ENOX1: variants seen among roughly 807,000 people sequenced by gnomAD.
The protein encoded by ENOX1 is candidate growth-related and time keeping constitutive hydroquinone (NADH) oxidase.
Under a neutral mutation model 82.5 loss-of-function variants are expected in ENOX1, and 42 were observed. The observed-to-expected ratio is 0.51, with a 90% confidence interval of 0.40 to 0.66. ENOX1 has a LOEUF of 0.66. Ranked by LOEUF, ENOX1 falls within the 30% of genes least tolerant of loss-of-function variation. The pLI is 0.00. For synonymous variants in ENOX1, 271 were observed against 282.2 expected (o/e 0.96, Z 0.40); for missense variants, 608 against 811.6 (o/e 0.75, Z 3.05).
chr13:43,776,861 G>A lies in ENOX1; in HGVS notation c.-285+9791C>T, dbSNP rs913420433. ...AATCCTGCATCACCCTTTTCCCTGCGGTCTCCCACCAGTGCCTCCCAAGGG... is the reference window on the plus strand; with the variant it reads ...AATCCTGCATCACCCTTTTCCCTGCAGTCTCCCACCAGTGCCTCCCAAGGG... On this transcript the variant is annotated intron_variant, in intron 1 of 16. Transcript: ENST00000690772. Among the ~76,000 whole-genome samples, 12 of 151,972 alleles carry A rather than the reference G, an allele frequency of 7.9e-5. No homozygotes were observed. The East Asian group carries it at 1.7e-3, about 22-fold the overall frequency.
chr13:43,718,167 G>A (rs1382147918), intron 1 of ENOX1, among the ~76,000 whole-genome samples: 2 of 152,184 alleles, frequency 1.3e-5, no homozygotes, highest in Non-Finnish European at 2.9e-5. Context: ...TAAAGACAAG[G>A]TAGTACATAT....
At chr13:43,326,898 G>T (rs1421783339) in intron 9 of ENOX1, among the ~76,000 whole-genome samples, 3 of 152,218 alleles carry the variant, frequency 2.0e-5, no homozygotes. Flanking sequence ...CAAGGGTTGG[G>T]TGCAGAGAAG....
chr13:43,307,023 A>G (rs4942203), intron 11 of ENOX1, among the ~76,000 whole-genome samples: 145,126 of 152,276 alleles, frequency 0.95, 69,579 homozygotes, highest in East Asian at 1. Context: ...AAATACTTGC[A>G]ATAATGGGTT....
intron 14 of ENOX1, 103 bp downstream of exon 14, chr13:43,265,295 G>T: frequency 2.1e-6 from 2 of 941,214 alleles, no homozygotes; most frequent in South Asian, 1.8e-5. Flanking sequence ...CTGCTGACAG[G>T]CAGAGCTTCT....
intron 14 of ENOX1, among the ~76,000 whole-genome samples, chr13:43,260,005 A>G (rs2043966496): frequency 6.6e-6 from 1 of 152,160 alleles, no homozygotes; most frequent in Non-Finnish European, 1.5e-5. Context: ...TTGGTACATC[A>G]GTATGTATTC....
intron 16 of ENOX1, among the ~76,000 whole-genome samples, chr13:43,218,227 A>T (rs770018835): frequency 9.2e-5 from 14 of 152,246 alleles, no homozygotes; most frequent in Non-Finnish European, 1.8e-4. Flanking sequence ...GTAGTGTAAG[A>T]TATAACAGCT....
At chr13:43,293,321 C>T (rs138671058) in intron 12 of ENOX1, among the ~76,000 whole-genome samples, 198 of 152,174 alleles carry the variant, frequency 1.3e-3, no homozygotes, top group African/African-American at 4.5e-3. Flanking sequence ...ACCCCCACCA[C>T]GGCCATCTTC....
intron 2 of ENOX1, among the ~76,000 whole-genome samples, chr13:43,655,154 C>T (rs978954437): frequency 1.3e-5 from 2 of 152,158 alleles, no homozygotes; most frequent in Admixed American, 1.3e-4. Flanking sequence ...TTATTGGTGT[C>T]TGGATGATCT....
chr13:43,473,668 A>G (rs1466146371), intron 3 of ENOX1, among the ~76,000 whole-genome samples: 1 of 152,202 alleles, frequency 6.6e-6, no homozygotes, highest in East Asian at 1.9e-4. Flanking sequence ...AGAAAAAATT[A>G]AAGAAACACT....
At chr13:43,441,658 G>GTT (rs1303709189) in intron 3 of ENOX1, among the ~76,000 whole-genome samples, 2 of 151,384 alleles carry the variant, frequency 1.3e-5, no homozygotes, top group Non-Finnish European at 2.9e-5. Context: ...GAACCTACCT[G>GTT]CCCGAAGGCG....
At chr13:43,551,302 C>A (rs1046565785) in intron 2 of ENOX1, among the ~76,000 whole-genome samples, 5 of 151,964 alleles carry the variant, frequency 3.3e-5, no homozygotes, top group African/African-American at 1.2e-4. Context: ...CTTTTTAATT[C>A]TATTTATGTG....
intron 3 of ENOX1, among the ~76,000 whole-genome samples, chr13:43,468,011 CCATTT>C (rs1459090946): frequency 6.6e-6 from 1 of 152,054 alleles, no homozygotes; most frequent in Non-Finnish European, 1.5e-5. Context: ...CTATTCCATT[CCATTT>C]ATCTATCTGT....
chr13:43,568,132 G>A (rs938959188), intron 2 of ENOX1, among the ~76,000 whole-genome samples: 19 of 152,064 alleles, frequency 1.2e-4, no homozygotes, highest in Non-Finnish European at 2.4e-4. Context: ...TCAATTCTTT[G>A]ACAAGTGGCA....
intron 3 of ENOX1, among the ~76,000 whole-genome samples, chr13:43,413,701 T>TATATATTTA (rs2054277409): frequency 1.4e-5 from 2 of 147,094 alleles, no homozygotes; most frequent in African/African-American, 2.5e-5. Flanking sequence ...ATATATATTT[T>TATATATTTA]TATATATTTA....
chr13:43,470,244 A>G (rs375871558), intron 3 of ENOX1, among the ~76,000 whole-genome samples: 1,693 of 46,120 alleles, frequency 0.037, 51 homozygotes, highest in South Asian at 0.077. Context: ...GTGTGTATAT[A>G]TATACATATA....
At chr13:43,717,011 C>T (rs572779991) in intron 1 of ENOX1, among the ~76,000 whole-genome samples, 97 of 152,224 alleles carry the variant, frequency 6.4e-4, no homozygotes, top group African/African-American at 1.9e-3. Flanking sequence ...AAAATACTAA[C>T]GCTGTTTTTC....
chr13:43,406,783 G>A (rs9533477), intron 5 of ENOX1, among the ~76,000 whole-genome samples: 78,030 of 151,964 alleles, frequency 0.51, 24,973 homozygotes, highest in Non-Finnish European at 0.73. Context: ...GTGAGCCACC[G>A]CGCCCGGCCA....
At chr13:43,254,743 G>C (rs1314922783) in intron 14 of ENOX1, among the ~76,000 whole-genome samples, 1 of 152,112 alleles carries the variant, frequency 6.6e-6, no homozygotes, top group Non-Finnish European at 1.5e-5. Context: ...GATCCTTAGA[G>C]TCTATCATGA....
chr13:43,450,362 T>C (rs936012069), intron 3 of ENOX1, among the ~76,000 whole-genome samples: 12 of 152,116 alleles, frequency 7.9e-5, no homozygotes, highest in Admixed American at 7.2e-4. Context: ...TTTAAGAAAA[T>C]GTACCTGGGG....
Sources: gnomAD v4.1 joint callset for allele counts (sites outside exome capture counted in the v4.1 genomes callset) on GRCh38, gnomAD v4.1.1 for gene constraint, MANE v1.5 for transcripts, NCBI Gene and HGNC (gene_info 2026-07-23, HGNC 2026-07-21) for gene names.